The following ABR variants were observed in gnomAD, a reference collection of about 807,000 sequenced individuals.
ABR encodes active breakpoint cluster region-related protein.
Under a neutral mutation model 107.2 loss-of-function variants are expected in ABR, and 35 were observed. The ratio of observed to expected loss-of-function variants is 0.33; its 90% CI spans 0.25 to 0.43. The LOEUF is 0.43. Ranked by LOEUF, ABR falls within the 20% of genes least tolerant of loss-of-function variation. The probability of loss-of-function intolerance (pLI) is 1.00; values close to 1 mark genes in which losing one functional copy is unlikely to be tolerated. For missense variants in ABR, 815 were observed against 1,115.2 expected (o/e 0.73, Z 3.83); for synonymous variants, 498 against 462.0 (o/e 1.08, Z -1.00).
chr17:1,102,493 A>C (rs920780094), intron 2 of ABR, among the ~76,000 whole-genome samples: 11 of 152,248 alleles, frequency 7.2e-5, no homozygotes, highest in Non-Finnish European at 1.3e-4. Context: ...CACTGGAAGA[A>C]GACGACTGTC....
In ABR at chr17:1,019,581, G is replaced by A. The variant is rs114032530; in HGVS notation, c.1792-6417C>T. On this transcript the variant is annotated intron_variant, in intron 16 of 22. Coordinates refer to ENST00000302538, the MANE Select transcript of ABR (RefSeq NM_021962.5). ...ACAACGACGCTCTGTTTCCCAGGAG[G>A]CTATCAGCCTCCAGAAACCAAGTCT... 8.4e-3 allele frequency among the ~76,000 whole-genome samples: 1,281 copies of A among 152,374 alleles called. 20 individuals are homozygous for A. Among genetic ancestry groups the A allele is most frequent in the African/African-American group, 0.028 (1,180 of 41,582 alleles).
chr17:1,091,273 A>AGAGCACCCTCCGGGAGAGAGAGG (rs1567737026), intron 4 of ABR, among the ~76,000 whole-genome samples: 2 of 152,020 alleles, frequency 1.3e-5, no homozygotes, highest in Non-Finnish European at 2.9e-5. Flanking sequence ...CTGGTTCCTC[A>AGAGCACCCTCCGGGAGAGAGAGG]GAGCACCCTC....
chr17:1,035,326 A>C, intron 16 of ABR, among the ~76,000 whole-genome samples: 2 of 131,210 alleles, frequency 1.5e-5, no homozygotes, highest in South Asian at 2.7e-4. Context: ...CACTCCTTCC[A>C]TCCCCTAAAC....
chr17:1,109,714 C>T (rs1038182726), intron 2 of ABR, among the ~76,000 whole-genome samples: 2 of 152,002 alleles, frequency 1.3e-5, no homozygotes, highest in East Asian at 1.9e-4. Flanking sequence ...AAGCCACAGC[C>T]GCGTCCCGCC....
At chr17:1,096,247 CGT>C (rs1384024352) in intron 3 of ABR, among the ~76,000 whole-genome samples, 1 of 152,156 alleles carries the variant, frequency 6.6e-6, no homozygotes, top group African/African-American at 2.4e-5. Flanking sequence ...TCGTCTGCCC[CGT>C]GTGTGCACAT....
intron 2 of ABR, among the ~76,000 whole-genome samples, chr17:1,114,181 A>AAG (rs1162811728): frequency 1.3e-5 from 2 of 151,162 alleles, no homozygotes; most frequent in East Asian, 3.9e-4. Context: ...AAAAAAAAAA[A>AAG]AAAATTAGGC....
chr17:1,111,554 G>GC (rs34982897), intron 2 of ABR, among the ~76,000 whole-genome samples: 31 of 152,092 alleles, frequency 2.0e-4, no homozygotes, highest in African/African-American at 7.0e-4. Context: ...TGCTTCAAAG[G>GC]CCCCCCCAAA....
chr17:1,047,658 C>A (rs932996803), intron 16 of ABR, among the ~76,000 whole-genome samples: 9 of 152,238 alleles, frequency 5.9e-5, no homozygotes, highest in African/African-American at 2.2e-4. Flanking sequence ...AACTCCCAGG[C>A]ATTTAACATT....
chr17:1,206,885 G>C (rs2042797257), intron 1 of ABR, among the ~76,000 whole-genome samples: 1 of 152,126 alleles, frequency 6.6e-6, no homozygotes, highest in Admixed American at 6.6e-5. Flanking sequence ...AGGAGTTCGA[G>C]ACCACCCTGG....
chr17:1,161,253 T>G (rs2041280761), intron 1 of ABR, among the ~76,000 whole-genome samples: 2 of 151,846 alleles, frequency 1.3e-5, no homozygotes, highest in African/African-American at 4.8e-5. Flanking sequence ...CCAGTCTTTT[T>G]TTTTTTTAAG....
At position 1,125,324 on chromosome 17, in the gene ABR, C is replaced by T; in HGVS notation, c.105G>A (p.Glu35=). 6.2e-7 allele frequency: 1 copy of T among 1,614,012 alleles called. No homozygotes were observed. The highest frequency in any genetic ancestry group is 8.5e-7 in the Non-Finnish European group (1 of 1,179,982). The change falls in exon 2 of 23, where the codon GAG becomes GAA. Residue 35 remains glutamate, a synonymous_variant. Transcript: ENST00000302538. ...AGCCCTCCGGGGGCCCCTTCTGCTC[C>T]TCATTCCCCTCTCCGTCGTACTCGT... is the stretch of plus-strand genomic sequence containing the variant. ...GTDEYDGEGN[E]EQKGPPEGSE...
At chr17:1,130,223 G>C (rs1369420353) in intron 1 of ABR, among the ~76,000 whole-genome samples, 7 of 151,760 alleles carry the variant, frequency 4.6e-5, no homozygotes, top group Admixed American at 4.6e-4. Flanking sequence ...CCTGCTCCCG[G>C]AAGAAGTCAG....
chr17:1,206,110 G>A (rs921180880), intron 1 of ABR, among the ~76,000 whole-genome samples: 4 of 152,016 alleles, frequency 2.6e-5, no homozygotes, highest in South Asian at 4.1e-4. Flanking sequence ...AGGAGACTCC[G>A]TCTCAAAAAA....
At chr17:1,118,438 C>T (rs1463041465) in intron 2 of ABR, among the ~76,000 whole-genome samples, 1 of 48,760 alleles carries the variant, frequency 2.1e-5, no homozygotes, top group African/African-American at 8.5e-5. Context: ...AGCGTTAACC[C>T]TGAGCCTGAG....
intron 16 of ABR, among the ~76,000 whole-genome samples, chr17:1,041,657 C>T (rs8076295): frequency 0.066 from 9,987 of 152,212 alleles, 445 homozygotes; most frequent in Non-Finnish European, 0.099. Flanking sequence ...CACTTGAACC[C>T]GGGAGACGGA....
Position 1,179,375 on chromosome 17 carries a change from C to A in ABR, c.61+292G>T, listed in dbSNP as rs2151626438. On this transcript the variant is annotated intron_variant, in intron 1 of 22. Transcript: ENST00000302538. This position sits in a 1 kb window ranked among gnomAD's most constrained non-coding sequence, Gnocchi z 4.9. Reference sequence around the variant, plus strand: ...AACAGGTGGGAGGGGGGACGCAGCTCTCGGCTCGGTCCGCCCACGGTCCCC... The same window carrying A: ...AACAGGTGGGAGGGGGGACGCAGCTATCGGCTCGGTCCGCCCACGGTCCCC... Among the ~76,000 whole-genome samples, 1 of 152,236 alleles carries A rather than the reference C, an allele frequency of 6.6e-6. No individual in the cohort carries two copies. Among genetic ancestry groups the A allele is most frequent in the South Asian group, 2.1e-4 (1 of 4,824 alleles).
intron 1 of ABR, among the ~76,000 whole-genome samples, chr17:1,205,515 A>G (rs2042772189): frequency 6.6e-6 from 1 of 152,156 alleles, no homozygotes; most frequent in South Asian, 2.1e-4. Flanking sequence ...AATCTTTTCT[A>G]TTGAAAATGC....
At chr17:1,161,938 A>G (rs2041315079) in intron 1 of ABR, among the ~76,000 whole-genome samples, 1 of 152,160 alleles carries the variant, frequency 6.6e-6, no homozygotes, top group Non-Finnish European at 1.5e-5. Flanking sequence ...TGGTAATCAT[A>G]GCACCCATTC....
intron 16 of ABR, among the ~76,000 whole-genome samples, chr17:1,022,030 C>T (rs548673701): frequency 1.7e-4 from 24 of 144,326 alleles, no homozygotes; most frequent in Non-Finnish European, 3.0e-4. Flanking sequence ...TCACTTGAAC[C>T]CGGGAGGCAG....
Sources: gnomAD v4.1 joint callset for allele counts (sites outside exome capture counted in the v4.1 genomes callset) on GRCh38, gnomAD v4.1.1 for gene constraint, Gnocchi (gnomAD v3.1) non-coding constraint, MANE v1.5 for transcripts, NCBI Gene and HGNC (gene_info 2026-07-23, HGNC 2026-07-21) for gene names.